TRPC4: variants seen among roughly 807,000 people sequenced by gnomAD.
TRPC4 encodes short transient receptor potential channel 4.
TRPC4 carries 49 observed loss-of-function variants against 99.4 expected under a neutral mutation model. That is an observed-to-expected ratio of 0.49 (90% CI 0.39 to 0.63). The LOEUF is 0.63. Ranked by LOEUF, TRPC4 falls within the 20% of genes least tolerant of loss-of-function variation. TRPC4 has a pLI of 0.00. For missense variants in TRPC4, 898 were observed against 1,152.9 expected, an observed-to-expected ratio of 0.78 and a Z score of 3.20; for synonymous variants, 454 against 425.9, an observed-to-expected ratio of 1.07 and a Z score of -0.81.
intron 3 of TRPC4, among the ~76,000 whole-genome samples, chr13:37,737,081 T>C (rs981820511): frequency 1.3e-5 from 2 of 152,010 alleles, no homozygotes; most frequent in East Asian, 3.9e-4. Context: ...AAGAAACAGA[T>C]GAGTGTTTAT....
chr13:37,758,021 A>C (rs1161774179), intron 2 of TRPC4, among the ~76,000 whole-genome samples: 1 of 151,890 alleles, frequency 6.6e-6, no homozygotes, highest in Non-Finnish European at 1.5e-5. Context: ...GGGCCTGTAT[A>C]TTTCAGTTAG....
Position 37,636,412 on chromosome 13 carries a change from G to A in TRPC4, c.*491C>T, listed in dbSNP as rs574067584. Among the ~76,000 whole-genome samples, 19 of 152,190 alleles carry A rather than the reference G, an allele frequency of 1.2e-4. No homozygotes were observed. The highest frequency in any genetic ancestry group is 2.5e-4 in the Non-Finnish European group (17 of 67,994). Reference sequence around the variant, plus strand: ...ACAATAATTATTTACATGTCGTTAAGAAATAATTTGGTAATATTTGTGTTT... The same window carrying A: ...ACAATAATTATTTACATGTCGTTAAAAAATAATTTGGTAATATTTGTGTTT... On this transcript the variant is annotated 3_prime_UTR_variant, in exon 11 of 11. Transcript: ENST00000379705.
At chr13:37,692,465 A>G in intron 3 of TRPC4, 130 bp from the exon 4 acceptor site, 8 of 863,228 alleles carry the variant, frequency 9.3e-6, no homozygotes, top group Non-Finnish European at 1.2e-5. Context: ...CATTTAAACA[A>G]TCAAAAGGCT....
chr13:37,851,367 TAACA>T (rs1959051116), intron 1 of TRPC4, among the ~76,000 whole-genome samples: 2 of 152,298 alleles, frequency 1.3e-5, no homozygotes, highest in East Asian at 1.9e-4. Flanking sequence ...TAAAAATTCT[TAACA>T]AACAGACCAG....
chr13:37,838,777 A>G (rs9548065), intron 1 of TRPC4, among the ~76,000 whole-genome samples: 31,385 of 152,090 alleles, frequency 0.21, 3,325 homozygotes, highest in African/African-American at 0.25. Context: ...AAGGAAAGTT[A>G]AGAATATATA....
intron 1 of TRPC4, among the ~76,000 whole-genome samples, chr13:37,856,747 GAT>G (rs1365205210): frequency 6.6e-6 from 1 of 151,434 alleles, no homozygotes; most frequent in African/African-American, 2.4e-5. Flanking sequence ...CAATCAGTGT[GAT>G]ACATCATATA....
chr13:37,652,242 G>A (rs1477534330), intron 7 of TRPC4, among the ~76,000 whole-genome samples: 2 of 152,220 alleles, frequency 1.3e-5, no homozygotes, highest in Non-Finnish European at 2.9e-5. Context: ...AGAAGTAGGA[G>A]GTGGTAGAGA....
At chr13:37,848,264 T>A (rs1162413420) in intron 1 of TRPC4, among the ~76,000 whole-genome samples, 1 of 152,134 alleles carries the variant, frequency 6.6e-6, no homozygotes, top group Non-Finnish European at 1.5e-5. Flanking sequence ...GACATCACAT[T>A]AAATATCTTA....
chr13:37,649,291 T>C (rs1160415812), intron 8 of TRPC4, among the ~76,000 whole-genome samples: 1 of 152,180 alleles, frequency 6.6e-6, no homozygotes, highest in Non-Finnish European at 1.5e-5. Flanking sequence ...ATGTTAAATA[T>C]ACTACATAAC....
intron 3 of TRPC4, among the ~76,000 whole-genome samples, chr13:37,704,353 C>A (rs912011039): frequency 2.0e-5 from 3 of 152,258 alleles, no homozygotes; most frequent in African/African-American, 7.2e-5. Flanking sequence ...TAAATATGGG[C>A]AGTTAATTGT....
intron 3 of TRPC4, among the ~76,000 whole-genome samples, chr13:37,711,748 G>A (rs752203256): frequency 6.6e-6 from 1 of 151,924 alleles, no homozygotes; most frequent in Non-Finnish European, 1.5e-5. Flanking sequence ...GACATTTAAT[G>A]TATAAGTCTG....
At chr13:37,757,685 T>A (rs1367751105) in intron 2 of TRPC4, among the ~76,000 whole-genome samples, 1 of 151,776 alleles carries the variant, frequency 6.6e-6, no homozygotes, top group Non-Finnish European at 1.5e-5. Context: ...GCAGAAAAAT[T>A]CTGGAGATCT....
At chr13:37,768,940 C>A (rs1956469356) in intron 2 of TRPC4, among the ~76,000 whole-genome samples, 1 of 151,288 alleles carries the variant, frequency 6.6e-6, no homozygotes, top group Admixed American at 6.6e-5. Flanking sequence ...TTTTAAAATT[C>A]ATTTTGCTAG....
intron 3 of TRPC4, among the ~76,000 whole-genome samples, chr13:37,705,826 A>ACACTTCAGG (rs1566110268): frequency 6.6e-6 from 1 of 152,118 alleles, no homozygotes; most frequent in African/African-American, 2.4e-5. Flanking sequence ...CTGCACGGTT[A>ACACTTCAGG]CACTTCAGGC....
intron 1 of TRPC4, among the ~76,000 whole-genome samples, chr13:37,810,659 C>A (rs1481185766): frequency 6.6e-6 from 1 of 152,024 alleles, no homozygotes; most frequent in South Asian, 2.1e-4. Flanking sequence ...TAAGTGACAA[C>A]AATTGAAAAT....
chr13:37,660,232 A>T (rs9603244), intron 6 of TRPC4, among the ~76,000 whole-genome samples: 54,848 of 152,022 alleles, frequency 0.36, 10,271 homozygotes, highest in African/African-American at 0.4. Context: ...GAGAAGTAAG[A>T]TTTGAAGTGA....
rs188770729 is a variant in TRPC4, at chr13:37,748,009, T to A, written c.379-1554A>T. Among the ~76,000 whole-genome samples the A allele has an allele frequency of 3.7e-3, 559 of 152,288 alleles. 4 individuals carry two copies. Among genetic ancestry groups the A allele is most frequent in the African/African-American group, 0.013 (534 of 41,568 alleles). On this transcript the variant is annotated intron_variant, in intron 2 of 10. Transcript: ENST00000379705. ...ACTAAGGTTTGGGAAATGGTTTCAG[T>A]GTGCATTTGCCTGACAAAGTGAGAA...
At chr13:37,837,837 C>T (rs1958609258) in intron 1 of TRPC4, among the ~76,000 whole-genome samples, 1 of 152,068 alleles carries the variant, frequency 6.6e-6, no homozygotes, top group South Asian at 2.1e-4. Context: ...TTGGCTGTGT[C>T]CCCACTCAAA....
chr13:37,675,202 T>C (rs1454960312), intron 4 of TRPC4, among the ~76,000 whole-genome samples: 1 of 152,138 alleles, frequency 6.6e-6, no homozygotes, highest in African/African-American at 2.4e-5. Flanking sequence ...TGTAGAAAGT[T>C]GGAAAAGTAT....
Sources: allele counts gnomAD v4.1 joint callset (sites outside exome capture counted in the v4.1 genomes callset), GRCh38; gene constraint gnomAD v4.1.1; transcripts MANE v1.5; gene names NCBI Gene and HGNC (gene_info 2026-07-23, HGNC 2026-07-21).